RAP1GAP2: variants seen among roughly 807,000 people sequenced by gnomAD.
RAP1GAP2 encodes rap1 GTPase-activating protein 2.
RAP1GAP2 carries 27 observed loss-of-function variants against 95.0 expected under a neutral mutation model. That is an observed-to-expected ratio of 0.28 (90% CI 0.21 to 0.39). The LOEUF is 0.39. RAP1GAP2 is among the 10% of genes least tolerant of loss of function. The pLI is 1.00. For missense variants in RAP1GAP2, 771 were observed against 970.0 expected, an observed-to-expected ratio of 0.79 and a Z score of 2.72; for synonymous variants, 373 against 380.9, an observed-to-expected ratio of 0.98 and a Z score of 0.24.
At chr17:2,835,086 ATTTTTT>A (rs68015915) in intron 2 of RAP1GAP2, among the ~76,000 whole-genome samples, 70,282 of 149,080 alleles carry the variant, frequency 0.47, 16,556 homozygotes, top group Admixed American at 0.56. Flanking sequence ...CACCTGGCTA[ATTTTTT>A]TTTGTATTTT....
At chr17:2,844,881 T>C (rs2151578995) in intron 2 of RAP1GAP2, among the ~76,000 whole-genome samples, 1 of 152,240 alleles carries the variant, frequency 6.6e-6, no homozygotes, top group South Asian at 2.1e-4. Context: ...GGAAATAAAT[T>C]AGAATTTATT....
At chr17:2,993,582 A>T (rs943598437) in intron 12 of RAP1GAP2, among the ~76,000 whole-genome samples, 2 of 144,376 alleles carry the variant, frequency 1.4e-5, no homozygotes, top group South Asian at 2.3e-4. Flanking sequence ...AAAAAAAAAA[A>T]AATAAATAAA....
At chr17:2,971,139 C>T (rs2044851681) in intron 8 of RAP1GAP2, among the ~76,000 whole-genome samples, 1 of 152,056 alleles carries the variant, frequency 6.6e-6, no homozygotes, top group East Asian at 1.9e-4. Flanking sequence ...ACTTCTGAAC[C>T]ACAAAGTAAA....
upstream of RAP1GAP2, among the ~76,000 whole-genome samples, chr17:2,776,370 C>T (rs62069988): frequency 3.5e-3 from 540 of 152,350 alleles, no homozygotes; most frequent in Non-Finnish European, 5.2e-3. Context: ...CCCCATTGCC[C>T]CCATTGCCCC....
intron 8 of RAP1GAP2, among the ~76,000 whole-genome samples, chr17:2,974,812 G>A (rs1485129448): frequency 6.6e-6 from 1 of 151,742 alleles, no homozygotes; most frequent in Non-Finnish European, 1.5e-5. Context: ...TAGCAAATTA[G>A]TAGGAGATAA....
At chr17:3,002,523 C>T (rs562223289) in intron 14 of RAP1GAP2, among the ~76,000 whole-genome samples, 2 of 152,196 alleles carry the variant, frequency 1.3e-5, no homozygotes, top group African/African-American at 4.8e-5. Context: ...GAGGAGGACC[C>T]GGTTAGATCC....
chr17:2,891,811 TTTC>T (rs2073727570), intron 2 of RAP1GAP2, among the ~76,000 whole-genome samples: 4 of 134,152 alleles, frequency 3.0e-5, no homozygotes, highest in African/African-American at 5.5e-5. Context: ...TCATATTTCT[TTTC>T]TTTTTTTTTT....
At chr17:2,939,045 C>T (rs2043394270) in intron 3 of RAP1GAP2, among the ~76,000 whole-genome samples, 1 of 152,174 alleles carries the variant, frequency 6.6e-6, no homozygotes, top group Admixed American at 6.5e-5. Flanking sequence ...AAACGGTTCC[C>T]TATGCCTCTG....
intron 11 of RAP1GAP2, among the ~76,000 whole-genome samples, chr17:2,986,046 C>T (rs1004700727): frequency 6.6e-6 from 1 of 152,072 alleles, no homozygotes; most frequent in East Asian, 1.9e-4. Flanking sequence ...TATAAATACA[C>T]TCCACTGTTA....
At chr17:2,928,032 G>C (rs2043024596) in intron 3 of RAP1GAP2, among the ~76,000 whole-genome samples, 1 of 151,260 alleles carries the variant, frequency 6.6e-6, no homozygotes, top group South Asian at 2.1e-4. Flanking sequence ...CTATGACCTT[G>C]GTTTTGTTAC....
At position 2,995,367 on chromosome 17, in the gene RAP1GAP2, A is replaced by G. The variant is rs771875134; in HGVS notation, c.945A>G (p.Gly315=). The G allele has an allele frequency of 1.2e-6, 2 of 1,613,718 alleles. No individual in the cohort carries two copies. The highest frequency in any genetic ancestry group is 2.7e-5 in the African/African-American group (2 of 74,936). ...GFRGGLDVTH[G]QTGVESVYTT... ...GAGGAGGCCTGGACGTGACCCACGGACAGACAGGGGTGGAATCAGTGTACA... is the reference window on the plus strand; with the variant it reads ...GAGGAGGCCTGGACGTGACCCACGGGCAGACAGGGGTGGAATCAGTGTACA... Residue 315 remains glycine, a synonymous_variant, in exon 13 of 25, where the codon GGA becomes GGG. Coordinates refer to ENST00000254695, the MANE Select transcript of RAP1GAP2 (RefSeq NM_015085.5).
rs1485168763 is a variant in RAP1GAP2 at position 2,962,690 on chromosome 17, G to A, written c.222G>A (p.Gln74=). The part of the protein sequence containing the change: ...EKMQGIKLEE[Q]KPGPQKNKDD... Reference sequence around the variant, plus strand: ...TATAGGGGATCAAGCTTGAAGAGCAGAAGCCGGGACCCCAGAAGAACAAGG... The same window carrying A: ...TATAGGGGATCAAGCTTGAAGAGCAAAAGCCGGGACCCCAGAAGAACAAGG... The change falls in exon 5 of 25, where the codon CAG becomes CAA. Residue 74 remains glutamine, a synonymous_variant. Coordinates refer to ENST00000254695, the MANE Select transcript of RAP1GAP2 (RefSeq NM_015085.5). The A allele has an allele frequency of 3.1e-6, 5 of 1,594,862 alleles. No individual in the cohort carries two copies. The highest frequency in any genetic ancestry group is 4.3e-6 in the Non-Finnish European group (5 of 1,172,452).
chr17:2,920,249 C>T (rs368833308), intron 3 of RAP1GAP2, among the ~76,000 whole-genome samples: 34 of 152,310 alleles, frequency 2.2e-4, no homozygotes, highest in East Asian at 1.7e-3. Flanking sequence ...CTTTTCTCGT[C>T]GTGCTCTCCT....
intron 2 of RAP1GAP2, among the ~76,000 whole-genome samples, chr17:2,842,119 C>T (rs530493899): frequency 6.6e-6 from 1 of 152,304 alleles, no homozygotes; most frequent in South Asian, 2.1e-4. Context: ...TCTCATCACT[C>T]AGGGGAAGAG....
chr17:2,961,587 C>A lies in RAP1GAP2; in HGVS notation c.202-1083C>A, dbSNP rs114483818. On this transcript the variant is annotated intron_variant, in intron 4 of 24. Transcript: ENST00000254695. ...TCCCCAGAAGTGAATTCTTCAGATA[C>A]CTGTAGATAAACTCCCTTAGTCCAG... 3.8e-3 allele frequency among the ~76,000 whole-genome samples: 574 copies of A among 152,348 alleles called. 2 individuals carry two copies. The highest frequency in any genetic ancestry group is 0.013 in the African/African-American group (556 of 41,586).
intron 11 of RAP1GAP2, among the ~76,000 whole-genome samples, chr17:2,991,060 G>C (rs2151564485): frequency 6.6e-6 from 1 of 152,026 alleles, no homozygotes; most frequent in South Asian, 2.1e-4. Flanking sequence ...GGCCAGGCTG[G>C]TCTCGAACTC....
At chr17:2,983,918 A>T (rs2045463348) in intron 10 of RAP1GAP2, among the ~76,000 whole-genome samples, 1 of 152,184 alleles carries the variant, frequency 6.6e-6, no homozygotes, top group Non-Finnish European at 1.5e-5. Context: ...GATGGTGTTG[A>T]TGATGATGAT....
chr17:2,905,062 T>C (rs1397624803), intron 2 of RAP1GAP2, among the ~76,000 whole-genome samples: 1 of 152,138 alleles, frequency 6.6e-6, no homozygotes, highest in Non-Finnish European at 1.5e-5. Flanking sequence ...TTTGTATTTT[T>C]AGTAGAGATG....
At position 3,034,933 on chromosome 17, in the gene RAP1GAP2, T is replaced by TTCCCATA. The variant is rs1451330494; in HGVS notation, c.*1573_*1579dup. Reference sequence around the variant, plus strand: ...CAAGGATTTCCAGCTGAATGCTTTATTCCCATAGGGATCTGGACCTGTGCC... The same window carrying TTCCCATA: ...CAAGGATTTCCAGCTGAATGCTTTATTCCCATATCCCATAGGGATCTGGACCTGTGCC... On this transcript the variant is annotated 3_prime_UTR_variant, in exon 25 of 25. Transcript: ENST00000254695. This position sits in a 1 kb window ranked among gnomAD's most constrained non-coding sequence, Gnocchi z 5.1. 6.6e-6 allele frequency: 1 copy of TTCCCATA among 151,990 alleles called. No individual in the cohort carries two copies. Among genetic ancestry groups the TTCCCATA allele is most frequent in the Non-Finnish European group, 1.5e-5 (1 of 68,052 alleles). The allele number at this position is 151,990 out of a possible 1,614,324, so 9.4% of individuals were successfully genotyped here. A position where few individuals can be genotyped will look rare whatever the true frequency, so the allele number is the denominator to read the frequency against.
Sources: allele counts gnomAD v4.1 joint callset (sites outside exome capture counted in the v4.1 genomes callset), GRCh38; gene constraint gnomAD v4.1.1; non-coding constraint Gnocchi (gnomAD v3.1); transcripts MANE v1.5; gene names NCBI Gene and HGNC (gene_info 2026-07-23, HGNC 2026-07-21).